The following PPP2R2B variants were observed in gnomAD, a reference collection of about 807,000 sequenced individuals.
PPP2R2B encodes protein phosphatase 2 regulatory subunit Bbeta.
PPP2R2B carries 5 observed loss-of-function variants against 46.0 expected under a neutral mutation model. The ratio of observed to expected loss-of-function variants is 0.11; its 90% CI spans 0.06 to 0.23. PPP2R2B has a LOEUF of 0.23. Among genes scored for constraint, PPP2R2B ranks in the 10% least tolerant of loss-of-function variants. The pLI is 1.00. For synonymous variants in PPP2R2B, 215 were observed against 206.7 expected (o/e 1.04, Z -0.34); for missense variants, 367 against 575.0 (o/e 0.64, Z 3.70).
chr5:146,896,155 C>T (rs754797436), intron 1 of PPP2R2B, among the ~76,000 whole-genome samples: 1 of 151,944 alleles, frequency 6.6e-6, no homozygotes, highest in Non-Finnish European at 1.5e-5. Context: ...CTTTTTTACC[C>T]CCATAATTTT....
chr5:146,793,799 A>T (rs1030218245), intron 2 of PPP2R2B, among the ~76,000 whole-genome samples: 3 of 152,204 alleles, frequency 2.0e-5, no homozygotes, highest in African/African-American at 7.2e-5. Context: ...CAGAGCCAAA[A>T]GAATTCAGTT....
At chr5:146,772,888 C>T (rs1461685082) in intron 2 of PPP2R2B, among the ~76,000 whole-genome samples, 1 of 152,142 alleles carries the variant, frequency 6.6e-6, no homozygotes, top group Non-Finnish European at 1.5e-5. Flanking sequence ...CTAGACTAAT[C>T]CCATATCATT....
chr5:146,985,996 C>T lies in PPP2R2B; in HGVS notation c.79+69669G>A, dbSNP rs138493564. On this transcript the variant is annotated intron_variant, in intron 1 of 8. Coordinates refer to the PPP2R2B transcript ENST00000336640. ...CATAATAGAACCCTCTGACAAGTAT[C>T]CCCCAACAAGAACATCAAATTGAAT... Among the ~76,000 whole-genome samples, 778 of 152,220 alleles carry T rather than the reference C, an allele frequency of 5.1e-3. 3 individuals are homozygous for T. The highest frequency in any genetic ancestry group is 0.018 in the African/African-American group (738 of 41,542).
intron 2 of PPP2R2B, among the ~76,000 whole-genome samples, chr5:146,869,354 C>T (rs1005691495): frequency 1.3e-5 from 2 of 152,178 alleles, no homozygotes; most frequent in African/African-American, 4.8e-5. Flanking sequence ...ATCACTGCAG[C>T]ATCTTATGTA....
chr5:146,843,630 A>C (rs1759802604), intron 2 of PPP2R2B, among the ~76,000 whole-genome samples: 1 of 152,190 alleles, frequency 6.6e-6, no homozygotes, highest in African/African-American at 2.4e-5. Context: ...TCACTTCTCA[A>C]ACCCTCAGTT....
At chr5:146,987,936 A>G (rs564016658) in intron 1 of PPP2R2B, among the ~76,000 whole-genome samples, 30 of 152,028 alleles carry the variant, frequency 2.0e-4, no homozygotes, top group Non-Finnish European at 3.8e-4. Flanking sequence ...AAGATACACC[A>G]AGCAAGTGGA....
chr5:146,782,612 GATATA>G (rs1490098049), intron 2 of PPP2R2B, among the ~76,000 whole-genome samples: 4 of 152,124 alleles, frequency 2.6e-5, no homozygotes, highest in Non-Finnish European at 5.9e-5. Context: ...CATTGCAAAA[GATATA>G]ATATTCTTCA....
At chr5:146,685,248 C>G (rs1317959638) in intron 5 of PPP2R2B, among the ~76,000 whole-genome samples, 3 of 152,208 alleles carry the variant, frequency 2.0e-5, no homozygotes, top group Non-Finnish European at 4.4e-5. Flanking sequence ...GCTCTGGACT[C>G]CATTCTTGGC....
In PPP2R2B at chr5:146,726,778, G is replaced by A. The variant is rs911282543; in HGVS notation, c.71-25636C>T. ...CAAAGGATTTCCCACAGTCTCTTTT[G>A]CTGTATAAATTATCCAAAGTCGCTT... is the stretch of plus-strand genomic sequence containing the variant. On this transcript the variant is annotated intron_variant, in intron 2 of 9. Transcript: ENST00000394411. 6.6e-5 allele frequency among the ~76,000 whole-genome samples: 10 copies of A among 152,110 alleles called. No individual in the cohort carries two copies. In the East Asian group the frequency reaches 1.5e-3, roughly 23 times the overall value.
chr5:147,037,454 T>G (rs1419611910), intron 1 of PPP2R2B, among the ~76,000 whole-genome samples: 2 of 151,888 alleles, frequency 1.3e-5, no homozygotes, highest in Non-Finnish European at 2.9e-5. Context: ...AGGTATGTAA[T>G]TATAAATATA....
chr5:146,888,724 C>T (rs1014905221), intron 1 of PPP2R2B, among the ~76,000 whole-genome samples: 1 of 152,122 alleles, frequency 6.6e-6, no homozygotes, highest in African/African-American at 2.4e-5. Context: ...CCCCTCCCAC[C>T]ACCACCACTC....
intron 1 of PPP2R2B, chr5:146,919,572 C>T (rs1257233824): frequency 6.6e-6 from 1 of 152,222 alleles, no homozygotes; most frequent in Admixed American, 6.5e-5. Context: ...GACCACCCAG[C>T]TGAGACAGGC....
intron 7 of PPP2R2B, among the ~76,000 whole-genome samples, chr5:146,605,976 C>A (rs1050718106): frequency 6.6e-6 from 1 of 152,130 alleles, no homozygotes; most frequent in South Asian, 2.1e-4. Context: ...TGGGAGCCCC[C>A]TGAAAGGGCT....
intron 1 of PPP2R2B, among the ~76,000 whole-genome samples, chr5:147,024,834 T>C (rs955182718): frequency 6.6e-6 from 1 of 152,156 alleles, no homozygotes; most frequent in Non-Finnish European, 1.5e-5. Flanking sequence ...GAAGAAAATT[T>C]ATAGCTTTAA....
chr5:146,599,594 G>T (rs1437008899), intron 8 of PPP2R2B, among the ~76,000 whole-genome samples: 4 of 152,136 alleles, frequency 2.6e-5, no homozygotes, highest in Non-Finnish European at 4.4e-5. Context: ...CATATTCAAG[G>T]TGTAAGCACC....
At chr5:146,739,446 T>G (rs1752736863) in intron 2 of PPP2R2B, among the ~76,000 whole-genome samples, 1 of 152,082 alleles carries the variant, frequency 6.6e-6, no homozygotes, top group African/African-American at 2.4e-5. Flanking sequence ...GAGGAAAGAA[T>G]GCCAGGGGTG....
At chr5:147,002,692 T>C (rs1332862894) in intron 1 of PPP2R2B, among the ~76,000 whole-genome samples, 1 of 152,138 alleles carries the variant, frequency 6.6e-6, no homozygotes, top group Non-Finnish European at 1.5e-5. Flanking sequence ...TTTCTGCTGC[T>C]GCGTCGGTGG....
intron 5 of PPP2R2B, among the ~76,000 whole-genome samples, chr5:146,654,894 G>A (rs993278952): frequency 1.1e-4 from 16 of 152,156 alleles, no homozygotes; most frequent in Admixed American, 7.9e-4. Flanking sequence ...AATGACAAAA[G>A]CAGAGCCAGA....
At chr5:146,984,522 T>C (rs927169559) in intron 1 of PPP2R2B, among the ~76,000 whole-genome samples, 1 of 152,242 alleles carries the variant, frequency 6.6e-6, no homozygotes, top group African/African-American at 2.4e-5. Flanking sequence ...ACTTGGCTAT[T>C]GTGAATAGTG....
Sources: allele counts gnomAD v4.1 joint callset (sites outside exome capture counted in the v4.1 genomes callset), GRCh38; gene constraint gnomAD v4.1.1; transcripts MANE v1.5; gene names NCBI Gene and HGNC (gene_info 2026-07-23, HGNC 2026-07-21).